MYO1D: variants seen among roughly 807,000 people sequenced by gnomAD.
MYO1D encodes the protein unconventional myosin-Id.
A neutral mutation model predicts 122.0 loss-of-function variants in MYO1D; 83 were observed. That is an observed-to-expected ratio of 0.68 (90% CI 0.57 to 0.82). MYO1D has a LOEUF of 0.82. Ranked by LOEUF, MYO1D falls within the 40% of genes least tolerant of loss-of-function variation. The probability of loss-of-function intolerance (pLI) is 0.00; values close to 1 mark genes in which losing one functional copy is unlikely to be tolerated. For missense variants in MYO1D, 1,157 were observed against 1,269.5 expected, an observed-to-expected ratio of 0.91 and a Z score of 1.35; for synonymous variants, 464 against 446.9, an observed-to-expected ratio of 1.04 and a Z score of -0.48.
chr17:32,598,123 C>G (rs1446450823), intron 21 of MYO1D, among the ~76,000 whole-genome samples: 1 of 152,154 alleles, frequency 6.6e-6, no homozygotes, highest in Non-Finnish European at 1.5e-5. Context: ...CTTGTAATCC[C>G]AGCACTTTGC....
chr17:32,766,664 C>T (rs1364694818), intron 7 of MYO1D, among the ~76,000 whole-genome samples: 2 of 151,996 alleles, frequency 1.3e-5, no homozygotes, highest in African/African-American at 2.4e-5. Flanking sequence ...TGGTGGCAGG[C>T]GCCTGTAGTC....
chr17:32,626,135 C>G (rs560904289), intron 20 of MYO1D, among the ~76,000 whole-genome samples: 2 of 152,340 alleles, frequency 1.3e-5, no homozygotes, highest in East Asian at 3.9e-4. Context: ...CACGGGTCCA[C>G]AAGGCTTGTA....
chr17:32,620,118 A>G (rs1012702126), intron 20 of MYO1D, among the ~76,000 whole-genome samples: 1 of 152,156 alleles, frequency 6.6e-6, no homozygotes, highest in Non-Finnish European at 1.5e-5. Flanking sequence ...GGGGAGTATG[A>G]CAGGCGCCTC....
chr17:32,759,532 T>G (rs2089979695), intron 10 of MYO1D, among the ~76,000 whole-genome samples: 1 of 152,194 alleles, frequency 6.6e-6, no homozygotes, highest in Non-Finnish European at 1.5e-5. Context: ...AACTTAAAAG[T>G]TTTTGTATTT....
chr17:32,796,671 T>TC (rs1340660909), intron 1 of MYO1D, among the ~76,000 whole-genome samples: 1 of 152,142 alleles, frequency 6.6e-6, no homozygotes, highest in Non-Finnish European at 1.5e-5. Context: ...GCCTCAGCCT[T>TC]CCAAAGTGTT....
chr17:32,864,019 T>C (rs2091101984), intron 1 of MYO1D, among the ~76,000 whole-genome samples: 1 of 88,130 alleles, frequency 1.1e-5, no homozygotes, highest in African/African-American at 3.6e-5. Flanking sequence ...TTTTTTTTTT[T>C]TTTTTTTTTT....
chr17:32,544,256 C>T (rs1001122411), intron 21 of MYO1D, among the ~76,000 whole-genome samples: 1 of 145,734 alleles, frequency 6.9e-6, no homozygotes, highest in Non-Finnish European at 1.5e-5. Flanking sequence ...CTACCATACC[C>T]AGCTAATTAA....
At chr17:32,583,733 T>C (rs1378176424) in intron 21 of MYO1D, among the ~76,000 whole-genome samples, 1 of 151,888 alleles carries the variant, frequency 6.6e-6, no homozygotes, top group Non-Finnish European at 1.5e-5. Flanking sequence ...GTCTTTTTCT[T>C]TGTTTGTTCT....
At chr17:32,738,417 C>G (rs760900202) in intron 13 of MYO1D, 32 bp from the exon 14 acceptor site, 1 of 1,532,584 alleles carries the variant, frequency 6.5e-7, no homozygotes, top group African/African-American at 1.4e-5. Flanking sequence ...ATTCAAATGT[C>G]ACATTCAAAT....
intron 21 of MYO1D, among the ~76,000 whole-genome samples, chr17:32,527,201 G>A (rs1910371683): frequency 1.3e-5 from 2 of 152,180 alleles, no homozygotes; most frequent in Non-Finnish European, 2.9e-5. Flanking sequence ...TTTAAAAATG[G>A]CCACATGAAC....
At chr17:32,763,846 G>A (rs981209567) in intron 8 of MYO1D, among the ~76,000 whole-genome samples, 1 of 152,200 alleles carries the variant, frequency 6.6e-6, no homozygotes, top group Non-Finnish European at 1.5e-5. Context: ...CTTGAACCCG[G>A]GAGGTGGAGG....
chr17:32,673,218 C>T (rs1353969199), intron 16 of MYO1D, among the ~76,000 whole-genome samples: 1 of 139,494 alleles, frequency 7.2e-6, no homozygotes, highest in Non-Finnish European at 1.5e-5. Flanking sequence ...ATTCTTGTGC[C>T]TCAGCCTCCT....
chr17:32,554,684 T>C (rs1036560525), intron 21 of MYO1D, among the ~76,000 whole-genome samples: 48 of 152,040 alleles, frequency 3.2e-4, no homozygotes, highest in African/African-American at 9.7e-4. Context: ...ATGGTCTTAA[T>C]ATATAAAAAG....
At chr17:32,670,279 T>C (rs993903772) in intron 16 of MYO1D, among the ~76,000 whole-genome samples, 3 of 152,174 alleles carry the variant, frequency 2.0e-5, no homozygotes, top group Non-Finnish European at 2.9e-5. Context: ...AATTATACTA[T>C]AGTTACAGAA....
intron 21 of MYO1D, among the ~76,000 whole-genome samples, chr17:32,578,166 CATAAA>C (rs1390182342): frequency 2.0e-5 from 3 of 152,220 alleles, no homozygotes; most frequent in Non-Finnish European, 2.9e-5. Context: ...ACCTCATATA[CATAAA>C]ATAAGTTATG....
intron 21 of MYO1D, among the ~76,000 whole-genome samples, chr17:32,575,780 C>T (rs934585595): frequency 7.2e-5 from 11 of 152,198 alleles, no homozygotes; most frequent in East Asian, 1.9e-4. Flanking sequence ...ATACATCCAT[C>T]ATACAGACTC....
chr17:32,836,865 AG>A (rs1471653986), intron 1 of MYO1D, among the ~76,000 whole-genome samples: 2 of 152,104 alleles, frequency 1.3e-5, no homozygotes, highest in African/African-American at 2.4e-5. Flanking sequence ...CACTTTTAAA[AG>A]TCTCTTGGTA....
Position 32,702,897 on chromosome 17 carries a change from T to C in MYO1D, c.2121+9091A>G, listed in dbSNP as rs184039971. 8.7e-4 allele frequency among the ~76,000 whole-genome samples: 133 copies of C among 152,280 alleles called. 1 individual carries two copies. Among genetic ancestry groups the C allele is most frequent in the African/African-American group, 3.1e-3 (128 of 41,562 alleles). ...AATAAAAACTGGAAAACTCATAGCA[T>C]GGAACATGGAGCAGGTAAGGGGTAG... On this transcript the variant is annotated intron_variant, in intron 16 of 21. Transcript: ENST00000318217.
At chr17:32,743,494 A>C (rs1343302865) in intron 13 of MYO1D, among the ~76,000 whole-genome samples, 1 of 152,006 alleles carries the variant, frequency 6.6e-6, no homozygotes, top group East Asian at 1.9e-4. Flanking sequence ...CACACCACAC[A>C]TTGTCTCTAC....
Sources: allele counts gnomAD v4.1 joint callset (sites outside exome capture counted in the v4.1 genomes callset), GRCh38; gene constraint gnomAD v4.1.1; transcripts MANE v1.5; gene names NCBI Gene and HGNC (gene_info 2026-07-23, HGNC 2026-07-21).